SHANK2: variants seen among roughly 807,000 people sequenced by gnomAD.
SHANK2 encodes the protein SH3 and multiple ankyrin repeat domains protein 2.
Under a neutral mutation model 133.7 loss-of-function variants are expected in SHANK2, and 43 were observed. That is an observed-to-expected ratio of 0.32 (90% CI 0.25 to 0.41). The LOEUF (loss-of-function observed/expected upper bound fraction) is 0.41. Ranked by LOEUF, SHANK2 falls within the 10% of genes least tolerant of loss-of-function variation. SHANK2 has a pLI of 1.00. For missense variants in SHANK2, 1,994 were observed against 2,235.8 expected (o/e 0.89, Z 2.18); for synonymous variants, 1,017 against 952.8 (o/e 1.07, Z -1.24).
chr11:70,620,786 A>C (rs782664977), intron 17 of SHANK2, among the ~76,000 whole-genome samples: 1 of 152,076 alleles, frequency 6.6e-6, no homozygotes, highest in Non-Finnish European at 1.5e-5. Context: ...GCACTTTCAC[A>C]CACACTCTCT....
intron 11 of SHANK2, among the ~76,000 whole-genome samples, chr11:70,842,493 G>A (rs1948922381): frequency 6.6e-6 from 1 of 152,188 alleles, no homozygotes; most frequent in African/African-American, 2.4e-5. Flanking sequence ...TGTGCAAATG[G>A]TGTTCTAGGG....
intron 15 of SHANK2, among the ~76,000 whole-genome samples, chr11:70,663,786 G>GCT (rs1197651672): frequency 6.6e-6 from 1 of 152,198 alleles, no homozygotes; most frequent in African/African-American, 2.4e-5. Context: ...CACTTACCCT[G>GCT]CTCAGGGCCA....
intron 10 of SHANK2, among the ~76,000 whole-genome samples, chr11:70,949,488 T>C (rs1555086067): frequency 6.6e-6 from 1 of 152,182 alleles, no homozygotes; most frequent in Non-Finnish European, 1.5e-5. Flanking sequence ...ACACTGAGAA[T>C]AGGAAACCTG....
intron 15 of SHANK2, among the ~76,000 whole-genome samples, chr11:70,690,612 G>A (rs1463813657): frequency 7.2e-6 from 1 of 138,196 alleles, no homozygotes; most frequent in African/African-American, 2.7e-5. Flanking sequence ...GAACCACTGT[G>A]CTCACCCTCC....
intron 12 of SHANK2, among the ~76,000 whole-genome samples, chr11:70,811,657 CCAT>C (rs1290493696): frequency 4.0e-5 from 6 of 150,962 alleles, no homozygotes; most frequent in Non-Finnish European, 5.9e-5. Flanking sequence ...ATCCATCCAT[CCAT>C]CATCTATTCA....
intron 2 of SHANK2, among the ~76,000 whole-genome samples, chr11:71,212,271 C>A (rs1053406664): frequency 1.3e-5 from 2 of 152,118 alleles, no homozygotes; most frequent in Non-Finnish European, 2.9e-5. Flanking sequence ...GTTTTACCAG[C>A]GTGGCATGCA....
In SHANK2 at chr11:70,882,493, C is replaced by A. The variant is rs1355417112; in HGVS notation, c.1174+14008G>T. On this transcript the variant is annotated intron_variant, in intron 11 of 25. Transcript: ENST00000601538. The surrounding 1 kb of genome is among the most constrained non-coding windows in gnomAD (Gnocchi z 4.2). ...ATCATGACAGAAGCTGCCAAGGATT[C>A]CTTACCTTGGCAGTATCTGGTCACT... is the stretch of plus-strand genomic sequence containing the variant. Among the ~76,000 whole-genome samples, 1 of 152,174 alleles carries A rather than the reference C, an allele frequency of 6.6e-6. No homozygotes were observed. The highest frequency in any genetic ancestry group is 1.5e-5 in the Non-Finnish European group (1 of 68,020).
chr11:71,198,746 A>C (rs1953961692), intron 2 of SHANK2, among the ~76,000 whole-genome samples: 1 of 152,204 alleles, frequency 6.6e-6, no homozygotes, highest in Admixed American at 6.5e-5. Flanking sequence ...AGAAGACAGC[A>C]GTGAGCCTCT....
At chr11:70,607,316 G>A (rs1554992765) in intron 17 of SHANK2, among the ~76,000 whole-genome samples, 1 of 152,202 alleles carries the variant, frequency 6.6e-6, no homozygotes, top group East Asian at 1.9e-4. Flanking sequence ...GAAGGTCAGA[G>A]GTGACCAGCT....
intron 2 of SHANK2, among the ~76,000 whole-genome samples, chr11:71,155,738 C>T (rs782028824): frequency 1.4e-5 from 2 of 139,538 alleles, no homozygotes; most frequent in East Asian, 2.5e-4. Flanking sequence ...TGACTATGGC[C>T]GTGGCCACAC....
intron 8 of SHANK2, among the ~76,000 whole-genome samples, chr11:71,088,435 T>G (rs1951448030): frequency 6.6e-6 from 1 of 152,178 alleles, no homozygotes; most frequent in African/African-American, 2.4e-5. Context: ...CAAATGACAG[T>G]TCTGTTCACG....
chr11:71,063,008 A>AG (rs1951006335), intron 9 of SHANK2, among the ~76,000 whole-genome samples: 2 of 151,266 alleles, frequency 1.3e-5, no homozygotes, highest in East Asian at 3.9e-4. Flanking sequence ...AAAAAAAAAA[A>AG]AAAAAAAAAG....
At chr11:70,906,472 C>A (rs1032345243) in intron 10 of SHANK2, among the ~76,000 whole-genome samples, 4 of 152,168 alleles carry the variant, frequency 2.6e-5, no homozygotes, top group African/African-American at 9.7e-5. Flanking sequence ...AGCCAGAACT[C>A]GGAGGAAAGC....
At chr11:70,778,209 C>G (rs752168616) in intron 14 of SHANK2, among the ~76,000 whole-genome samples, 4 of 152,170 alleles carry the variant, frequency 2.6e-5, no homozygotes, top group Non-Finnish European at 4.4e-5. Context: ...GGTCAAACCC[C>G]CAGAACAGCC....
At chr11:71,239,520 C>A (rs1279444702) in intron 1 of SHANK2, among the ~76,000 whole-genome samples, 1 of 152,106 alleles carries the variant, frequency 6.6e-6, no homozygotes, top group Non-Finnish European at 1.5e-5. Context: ...AGTGCATTGG[C>A]ACCATCTCAG....
At position 71,083,706 on chromosome 11, in the gene SHANK2, C is replaced by T. The variant is rs985000723; in HGVS notation, c.913-8431G>A. On this transcript the variant is annotated intron_variant, in intron 8 of 25. Coordinates refer to ENST00000601538, the MANE Select transcript of SHANK2 (RefSeq NM_012309.5). ...CGCAGGGTCTGGATCCCTCACCAAGCGGCATCCTCTCCAGGACCACACCCC... is the reference window on the plus strand; with the variant it reads ...CGCAGGGTCTGGATCCCTCACCAAGTGGCATCCTCTCCAGGACCACACCCC... Among the ~76,000 whole-genome samples, 162 of 152,280 alleles carry T rather than the reference C, an allele frequency of 1.1e-3. 2 individuals carry two copies. The highest frequency in any genetic ancestry group is 3.3e-3 in the Admixed American group (51 of 15,288).
At chr11:71,235,022 C>T (rs1265238371) in intron 1 of SHANK2, among the ~76,000 whole-genome samples, 6 of 152,132 alleles carry the variant, frequency 3.9e-5, no homozygotes, top group Non-Finnish European at 7.3e-5. Context: ...AGGCACTGAT[C>T]CACGCTACAA....
intron 11 of SHANK2, among the ~76,000 whole-genome samples, chr11:70,851,154 C>G (rs1232564071): frequency 1.3e-5 from 2 of 150,560 alleles, no homozygotes; most frequent in South Asian, 2.2e-4. Context: ...GAGCCCTTAA[C>G]TCTCAGATCC....
intron 10 of SHANK2, chr11:70,943,792 G>A (rs1021497498): frequency 1.2e-5 from 5 of 402,482 alleles, no homozygotes; most frequent in African/African-American, 1.0e-4. Context: ...TCTACATGGG[G>A]TATGAGCTGC....
Sources: allele counts gnomAD v4.1 joint callset (sites outside exome capture counted in the v4.1 genomes callset), GRCh38; gene constraint gnomAD v4.1.1; non-coding constraint Gnocchi (gnomAD v3.1); transcripts MANE v1.5; gene names NCBI Gene and HGNC (gene_info 2026-07-23, HGNC 2026-07-21).